Variants in SORCS1 observed in about 807,000 individuals in gnomAD.
SORCS1 encodes sortilin related VPS10 domain containing receptor 1.
Under a neutral mutation model 146.1 loss-of-function variants are expected in SORCS1, and 60 were observed. That is an observed-to-expected ratio of 0.41 (90% CI 0.33 to 0.51). SORCS1 has a LOEUF of 0.51. Ranked by LOEUF, SORCS1 falls within the 20% of genes least tolerant of loss-of-function variation. SORCS1 has a pLI of 0.21. For missense variants in SORCS1, 1,352 were observed against 1,487.6 expected, an observed-to-expected ratio of 0.91 and a Z score of 1.50; for synonymous variants, 637 against 584.0, an observed-to-expected ratio of 1.09 and a Z score of -1.31.
intron 3 of SORCS1, among the ~76,000 whole-genome samples, chr10:106,813,155 T>C (rs1018087498): frequency 7.6e-6 from 1 of 131,838 alleles, no homozygotes; most frequent in Non-Finnish European, 1.6e-5. Flanking sequence ...TTTTTTGAGA[T>C]GGAGTCTTGC....
chr10:106,963,742 C>T (rs1272421212), intron 1 of SORCS1, among the ~76,000 whole-genome samples: 1 of 152,034 alleles, frequency 6.6e-6, no homozygotes, highest in Admixed American at 6.5e-5. Context: ...TTTAGAAGAA[C>T]TTTCAGCTCC....
chr10:106,898,314 C>G (rs561679160), intron 2 of SORCS1, among the ~76,000 whole-genome samples: 2 of 152,334 alleles, frequency 1.3e-5, no homozygotes, highest in Admixed American at 6.5e-5. Flanking sequence ...AACCCACTTA[C>G]AGCAGAGCCT....
rs1844744687 is a variant in SORCS1 at position 106,579,158 on chromosome 10, A to G, written c.3371+211T>C. The G allele has an allele frequency of 4.3e-6, 7 of 1,613,998 alleles. No individual in the cohort carries two copies. In the South Asian group the frequency reaches 7.7e-5, roughly 18 times the overall value. On this transcript the variant is annotated intron_variant, in intron 25 of 25. Coordinates refer to ENST00000263054, the MANE Select transcript of SORCS1 (RefSeq NM_052918.5). ...GCCTCCTTAGTTCAGTCTGAGGGAC[A>G]TTGGGCCTGCTTTCAGAGTGACTGA...
In SORCS1 at chr10:106,577,286, C is replaced by T; in HGVS notation, c.*134G>A. 2 of 1,606,742 alleles carry T rather than the reference C, an allele frequency of 1.2e-6. No homozygotes were observed. Among genetic ancestry groups the T allele is most frequent in the African/African-American group, 2.7e-5 (2 of 74,744 alleles). ...TTCTCAGCAACTATGGAAATACTTC[C>T]TGGCAAAATAGGAAACAGAACAACA... On this transcript the variant is annotated 3_prime_UTR_variant, in exon 26 of 26. Transcript: ENST00000263054.
At chr10:106,858,848 C>G (rs1949894795) in intron 2 of SORCS1, among the ~76,000 whole-genome samples, 1 of 152,184 alleles carries the variant, frequency 6.6e-6, no homozygotes, top group East Asian at 1.9e-4. Flanking sequence ...GGAGTACTAT[C>G]CTTCACTAGA....
Position 107,060,673 on chromosome 10 carries a change from G to A in SORCS1, c.558+103296C>T, listed in dbSNP as rs115172430. Among the ~76,000 whole-genome samples the A allele has an allele frequency of 0.011, 1,646 of 152,136 alleles. 45 individuals carry two copies. The highest frequency in any genetic ancestry group is 0.037 in the African/African-American group (1,537 of 41,490). ...GTGATATTTGTGACCATGAGTCCCC[G>A]GCTCACGGTTTTCTCCTCTCTTGAC... On this transcript the variant is annotated intron_variant, in intron 1 of 25. Coordinates refer to ENST00000263054, the MANE Select transcript of SORCS1 (RefSeq NM_052918.5). The surrounding 1 kb of genome is among the most constrained non-coding windows in gnomAD (Gnocchi z 4.1).
intron 6 of SORCS1, among the ~76,000 whole-genome samples, chr10:106,725,933 GA>G (rs58266957): frequency 0.035 from 4,719 of 135,218 alleles, 195 homozygotes; most frequent in East Asian, 0.21. Context: ...TCTGTCTCAG[GA>G]AAAAAAAAAA....
chr10:107,063,101 T>C (rs554801081), intron 1 of SORCS1, among the ~76,000 whole-genome samples: 2 of 152,262 alleles, frequency 1.3e-5, no homozygotes, highest in East Asian at 1.9e-4. Flanking sequence ...TGTACCAGTA[T>C]AATTATATTC....
chr10:107,007,444 T>A (rs542916515), intron 1 of SORCS1, among the ~76,000 whole-genome samples: 1 of 152,214 alleles, frequency 6.6e-6, no homozygotes, highest in East Asian at 1.9e-4. Flanking sequence ...TGGAAAGATG[T>A]CCCCTGGCTG....
intron 16 of SORCS1, among the ~76,000 whole-genome samples, chr10:106,670,549 T>A (rs1316282): frequency 0.13 from 19,608 of 152,156 alleles, 1,705 homozygotes; most frequent in East Asian, 0.31. Context: ...CAGAAAATTT[T>A]CTGCCTTAAA....
intron 25 of SORCS1, chr10:106,578,029 A>C (rs752365850): frequency 6.5e-6 from 1 of 153,608 alleles, no homozygotes; most frequent in African/African-American, 2.4e-5. Flanking sequence ...ATTGTTTTCC[A>C]AGTAAGATTA....
rs761882376 is a variant in SORCS1 at position 106,667,695 on chromosome 10, C to G, written c.2297G>C (p.Ser766Thr). 4 of 1,613,318 alleles carry G rather than the reference C, an allele frequency of 2.5e-6. No individual in the cohort carries two copies. The highest frequency in any genetic ancestry group is 3.4e-6 in the Non-Finnish European group (4 of 1,179,486). Reference sequence around the variant, plus strand: ...CACTACTCCAGACACTTACCCAGTACTATTGAGGTAACTCTGTCCCAAGCT... The same window carrying G: ...CACTACTCCAGACACTTACCCAGTAGTATTGAGGTAACTCTGTCCCAAGCT... ...DCSLGQSYLNSTGYRKVVSNN... is the reference protein window; with the variant it reads ...DCSLGQSYLNTTGYRKVVSNN... The change falls in exon 17 of 26, where the codon AGT becomes ACT. Residue 766 changes from serine to threonine, a missense_variant. Ser to Thr is a moderately conservative substitution (Grantham distance 58, BLOSUM62 1). Around this residue, in one of 3 missense-constraint regions of SORCS1, gnomAD observed 648 missense variants for 793.8 expected, o/e 0.82. Transcript: ENST00000263054.
rs71025579 is a variant in SORCS1 at position 107,154,008 on chromosome 10, C to CTTTTTTTT, written c.558+9953_558+9960dup. ...ATTTCCAGTATATTTCTTTTCTTTTCTTTTTTTTTTTTTTTTTTTTTGAGA... is the reference window on the plus strand; with the variant it reads ...ATTTCCAGTATATTTCTTTTCTTTTCTTTTTTTTTTTTTTTTTTTTTTTTTTTTTGAGA... On this transcript the variant is annotated intron_variant, in intron 1 of 25. Transcript: ENST00000263054. 5.5e-3 allele frequency among the ~76,000 whole-genome samples: 515 copies of CTTTTTTTT among 94,044 alleles called. 4 individuals carry two copies. The highest frequency in any genetic ancestry group is 7.9e-3 in the Middle Eastern group (1 of 126). The allele number at this position is 94,044 out of a possible 152,430, so 61.7% of individuals were successfully genotyped here.
chr10:106,811,830 T>C (rs910826064), intron 3 of SORCS1, among the ~76,000 whole-genome samples: 1 of 152,296 alleles, frequency 6.6e-6, no homozygotes, highest in East Asian at 1.9e-4. Context: ...TTAGTTACTA[T>C]GTAGAGAATG....
At chr10:106,699,577 TG>T (rs1419538435) in intron 8 of SORCS1, among the ~76,000 whole-genome samples, 184 bp from the exon 9 acceptor site, 1 of 152,216 alleles carries the variant, frequency 6.6e-6, no homozygotes, top group Non-Finnish European at 1.5e-5. Context: ...TTGTCACTTG[TG>T]GGGTTAGGCA....
intron 1 of SORCS1, among the ~76,000 whole-genome samples, chr10:106,983,328 G>A (rs1031621479): frequency 6.0e-5 from 9 of 150,232 alleles, no homozygotes; most frequent in African/African-American, 2.2e-4. Context: ...ATATTAATGG[G>A]TAAATTTAAA....
intron 1 of SORCS1, among the ~76,000 whole-genome samples, chr10:107,108,772 A>G (rs1965483182): frequency 6.6e-6 from 1 of 152,186 alleles, no homozygotes; most frequent in Admixed American, 6.5e-5. Context: ...GTCTTATCTG[A>G]GACAAAGGAA....
chr10:106,995,519 G>A (rs1956954896), intron 1 of SORCS1, among the ~76,000 whole-genome samples: 1 of 152,066 alleles, frequency 6.6e-6, no homozygotes, highest in African/African-American at 2.4e-5. Context: ...CCTACAAGTT[G>A]GGAAGGTATG....
At chr10:107,073,290 A>T (rs983731495) in intron 1 of SORCS1, among the ~76,000 whole-genome samples, 2 of 152,208 alleles carry the variant, frequency 1.3e-5, no homozygotes, top group Admixed American at 1.3e-4. Context: ...ACACATTTTT[A>T]AAATATAGCA....
Sources: gnomAD v4.1 joint callset for allele counts (sites outside exome capture counted in the v4.1 genomes callset) on GRCh38, gnomAD v4.1.1 for gene constraint, gnomAD v4.1.1 regional missense constraint, Gnocchi (gnomAD v3.1) non-coding constraint, MANE v1.5 for transcripts, NCBI Gene and HGNC (gene_info 2026-07-23, HGNC 2026-07-21) for gene names.